Variants in LBR observed in about 807,000 individuals in gnomAD.
The protein encoded by LBR is delta(14)-sterol reductase LBR.
In LBR, 28 loss-of-function variants were observed where a neutral mutation model predicts 74.3. The ratio of observed to expected loss-of-function variants is 0.38; its 90% CI spans 0.28 to 0.52. The LOEUF (loss-of-function observed/expected upper bound fraction) is 0.52, where lower values mean the gene tolerates loss of function less well. LBR is among the 20% of genes least tolerant of loss of function. The probability of loss-of-function intolerance (pLI) is 0.89; values close to 1 mark genes in which losing one functional copy is unlikely to be tolerated. For synonymous variants in LBR, 228 were observed against 269.3 expected, an observed-to-expected ratio of 0.85 and a Z score of 1.50; for missense variants, 717 against 760.3, an observed-to-expected ratio of 0.94 and a Z score of 0.67.
intron 13 of LBR, 114 bp from the exon 14 acceptor site, chr1:225,403,577 C>G: frequency 1.3e-6 from 1 of 782,246 alleles, no homozygotes; most frequent in Non-Finnish European, 2.1e-6. Context: ...TTCATTTTCT[C>G]TAATAATGAT....
chr1:225,418,562 T>G (rs948693073), intron 5 of LBR, among the ~76,000 whole-genome samples: 1 of 152,186 alleles, frequency 6.6e-6, no homozygotes, highest in Admixed American at 6.5e-5. Flanking sequence ...CAAAAAACTT[T>G]ATATTCCTCA....
At chr1:225,426,949 C>T (rs760864313) in intron 1 of LBR, among the ~76,000 whole-genome samples, 12 of 152,198 alleles carry the variant, frequency 7.9e-5, no homozygotes, top group Non-Finnish European at 1.3e-4. Context: ...AATTAGGATC[C>T]CTCTGCTCTT....
intron 1 of LBR, among the ~76,000 whole-genome samples, chr1:225,427,144 C>T (rs1016357542): frequency 6.6e-6 from 1 of 152,106 alleles, no homozygotes; most frequent in Non-Finnish European, 1.5e-5. Context: ...AACACCCGAC[C>T]GGGCCCCGTA....
intron 2 of LBR, 76 bp from the exon 3 acceptor site, chr1:225,422,353 T>C: frequency 1.7e-6 from 2 of 1,209,294 alleles, no homozygotes; most frequent in Non-Finnish European, 2.4e-6. Flanking sequence ...TAGAAGAGGA[T>C]AACAAAGGCA....
intron 7 of LBR, among the ~76,000 whole-genome samples, chr1:225,414,793 G>T (rs528621274): frequency 8.4e-4 from 128 of 152,356 alleles, no homozygotes; most frequent in Admixed American, 2.9e-3. Flanking sequence ...CAGAGCAGGG[G>T]AGAGAAAGGG....
At chr1:225,417,641 G>A (rs2096120061) in intron 6 of LBR, 1 of 219,546 alleles carries the variant, frequency 4.6e-6, no homozygotes, top group East Asian at 1.1e-4. Context: ...CCTCCACTGA[G>A]AGTCGGCTAC....
At chr1:225,422,995 C>T (rs1448316710) in intron 2 of LBR, among the ~76,000 whole-genome samples, 2 of 152,194 alleles carry the variant, frequency 1.3e-5, no homozygotes, top group Non-Finnish European at 2.9e-5. Flanking sequence ...GGAGCCGCTC[C>T]CATAAAGTCT....
intron 7 of LBR, chr1:225,414,101 A>C: frequency 8.8e-6 from 4 of 456,712 alleles, no homozygotes; most frequent in Non-Finnish European, 1.8e-5. Context: ...AGGTTCTAAA[A>C]CTTGCTCCAT....
chr1:225,425,842 A>G (rs937638532), intron 1 of LBR, among the ~76,000 whole-genome samples: 4 of 151,516 alleles, frequency 2.6e-5, no homozygotes, highest in African/African-American at 9.7e-5. Flanking sequence ...CTCTTTATAA[A>G]CTTTTGAAAC....
chr1:225,407,110 C>A lies in LBR; in HGVS notation c.1315-278G>T, dbSNP rs1378218114. Among the ~76,000 whole-genome samples, 5 of 152,200 alleles carry A rather than the reference C, an allele frequency of 3.3e-5. No homozygotes were observed. In the East Asian group the frequency reaches 9.7e-4, roughly 29 times the overall value. On this transcript the variant is annotated intron_variant, in intron 10 of 13. Transcript: ENST00000272163. ...CCCAGGCCCTCCCCTCTGCTGACAA[C>A]CCCTCCTCCAACCTCCACATAGGCC...
In LBR at chr1:225,421,208, C is replaced by T. The variant is rs150631657; in HGVS notation, c.366+869G>A. ...CCAGTTTTTAAAGTTTATTAAAAGT[C>T]TGTTGCCGGGCGCAGTGGCTCACGC... On this transcript the variant is annotated intron_variant, in intron 3 of 13. Coordinates refer to ENST00000272163, the MANE Select transcript of LBR (RefSeq NM_002296.4). 3.7e-3 allele frequency among the ~76,000 whole-genome samples: 565 copies of T among 152,270 alleles called. 1 individual carries two copies. Among genetic ancestry groups the T allele is most frequent in the African/African-American group, 0.013 (552 of 41,570 alleles).
At chr1:225,406,391 G>A (rs2096091648) in intron 11 of LBR, among the ~76,000 whole-genome samples, 1 of 151,990 alleles carries the variant, frequency 6.6e-6, no homozygotes, top group South Asian at 2.1e-4. Context: ...AAAGACGTAT[G>A]GTTACCAAAA....
chr1:225,416,859 GGAAGA>G (rs1205239094), intron 6 of LBR, among the ~76,000 whole-genome samples: 2 of 152,124 alleles, frequency 1.3e-5, no homozygotes, highest in Non-Finnish European at 2.9e-5. Context: ...AAGTATACAA[GGAAGA>G]TGCACACAGG....
At chr1:225,426,822 C>A (rs1013223707) in intron 1 of LBR, among the ~76,000 whole-genome samples, 1 of 152,184 alleles carries the variant, frequency 6.6e-6, no homozygotes, top group Admixed American at 6.5e-5. Flanking sequence ...AAGGCAGAAG[C>A]GCCTTCTTCC....
intron 11 of LBR, among the ~76,000 whole-genome samples, chr1:225,406,112 C>T (rs2150944727): frequency 6.6e-6 from 1 of 152,294 alleles, no homozygotes; most frequent in East Asian, 1.9e-4. Context: ...GTTCCCAGTG[C>T]CTGACTTTTC....
chr1:225,419,684 AC>A (rs2096124083), intron 4 of LBR, 30 bp downstream of exon 4: 1 of 1,518,160 alleles, frequency 6.6e-7, no homozygotes, highest in Non-Finnish European at 9.0e-7. Context: ...AAAAAAAAAA[AC>A]AACCAAGATG....
chr1:225,404,339 G>C (rs2096087030), intron 13 of LBR, 65 bp downstream of exon 13: 1 of 1,607,818 alleles, frequency 6.2e-7, no homozygotes, highest in Admixed American at 1.7e-5. Flanking sequence ...CCCACACAAA[G>C]GACACACACA....
intron 11 of LBR, among the ~76,000 whole-genome samples, chr1:225,406,392 G>A (rs1393951739): frequency 6.6e-6 from 1 of 152,100 alleles, no homozygotes; most frequent in Non-Finnish European, 1.5e-5. Context: ...AAGACGTATG[G>A]TTACCAAAAC....
At position 225,411,444 on chromosome 1, in the gene LBR, A is replaced by C; in HGVS notation, c.1085-4T>G. 1 of 1,604,852 alleles carries C rather than the reference A, an allele frequency of 6.2e-7. No homozygotes were observed. Among genetic ancestry groups the C allele is most frequent in the Non-Finnish European group, 8.5e-7 (1 of 1,171,484 alleles). ...AAGAAATCATAGACAGCATTTCCTG[A>C]GAAAGGAAAAGTGTTTACCCAAACA... is the stretch of plus-strand genomic sequence containing the variant. On this transcript the variant is annotated splice_polypyrimidine_tract_variant and splice_region_variant and intron_variant, in intron 8 of 13. Transcript: ENST00000272163.
Sources: allele counts gnomAD v4.1 joint callset (sites outside exome capture counted in the v4.1 genomes callset), GRCh38; gene constraint gnomAD v4.1.1; transcripts MANE v1.5; gene names NCBI Gene and HGNC (gene_info 2026-07-23, HGNC 2026-07-21).